Variants in MYO5B observed in about 807,000 individuals in gnomAD.
The protein encoded by MYO5B is unconventional myosin-Vb.
In MYO5B, 143 loss-of-function variants were observed where a neutral mutation model predicts 229.3. The ratio of observed to expected loss-of-function variants is 0.62; its 90% CI spans 0.54 to 0.72. The LOEUF is 0.72. MYO5B is among the 30% of genes least tolerant of loss of function. The pLI, the probability that MYO5B is intolerant of heterozygous loss-of-function variation, is 0.00. For synonymous variants in MYO5B, 918 were observed against 885.2 expected, an observed-to-expected ratio of 1.04 and a Z score of -0.66; for missense variants, 2,321 against 2,331.0, an observed-to-expected ratio of 1.00 and a Z score of 0.09.
intron 1 of MYO5B, among the ~76,000 whole-genome samples, chr18:50,156,496 T>C (rs1276569708): frequency 1.3e-5 from 2 of 152,218 alleles, no homozygotes; most frequent in Non-Finnish European, 2.9e-5. Flanking sequence ...TGCCATTATG[T>C]GACAAAGCAC....
At chr18:50,077,579 T>C (rs1363471929) in intron 1 of MYO5B, among the ~76,000 whole-genome samples, 33 of 151,558 alleles carry the variant, frequency 2.2e-4, no homozygotes. Context: ...TTCAGGAATG[T>C]TGCATCTCCC....
chr18:50,054,942 T>C (rs997753945), intron 2 of MYO5B, among the ~76,000 whole-genome samples: 8 of 152,128 alleles, frequency 5.3e-5, no homozygotes, highest in South Asian at 2.1e-4. Flanking sequence ...GCAGGGACCC[T>C]TGTAGCAGCT....
At chr18:50,054,723 G>T (rs138502658) in intron 2 of MYO5B, among the ~76,000 whole-genome samples, 4 of 152,218 alleles carry the variant, frequency 2.6e-5, no homozygotes, top group African/African-American at 9.6e-5. Context: ...CTAACACATA[G>T]GGAGCACTTA....
At chr18:49,924,502 T>C (rs2025108572) in intron 17 of MYO5B, among the ~76,000 whole-genome samples, 1 of 152,230 alleles carries the variant, frequency 6.6e-6, no homozygotes, top group Non-Finnish European at 1.5e-5. Flanking sequence ...TACCAGGCTC[T>C]TTCAGCTTTC....
chr18:49,996,739 T>C (rs913478625), intron 5 of MYO5B, among the ~76,000 whole-genome samples: 20 of 152,330 alleles, frequency 1.3e-4, no homozygotes, highest in African/African-American at 4.6e-4. Flanking sequence ...GGAAAAGCTC[T>C]AAGAAGTGGA....
chr18:49,992,516 C>T, intron 5 of MYO5B, 85 bp from the exon 6 acceptor site: 4 of 1,580,048 alleles, frequency 2.5e-6, no homozygotes, highest in East Asian at 2.2e-5. Flanking sequence ...AGCATGTGTC[C>T]CCTTTCTCTT....
At chr18:50,163,307 C>T (rs2032797428) in intron 1 of MYO5B, among the ~76,000 whole-genome samples, 1 of 152,194 alleles carries the variant, frequency 6.6e-6, no homozygotes, top group African/African-American at 2.4e-5. Flanking sequence ...GGGGAGAGAG[C>T]TCGGCTCGTT....
chr18:50,149,229 G>A (rs927732938), intron 1 of MYO5B, among the ~76,000 whole-genome samples: 5 of 152,070 alleles, frequency 3.3e-5, no homozygotes, highest in Admixed American at 3.3e-4. Context: ...TGGATAGGAA[G>A]AATCAATATC....
chr18:49,965,482 CA>C (rs2025614187), intron 10 of MYO5B, among the ~76,000 whole-genome samples: 1 of 151,454 alleles, frequency 6.6e-6, no homozygotes, highest in African/African-American at 2.4e-5. Flanking sequence ...CACACACACA[CA>C]CCTCTTCTCA....
chr18:50,176,620 C>T (rs2144341506), intron 1 of MYO5B, among the ~76,000 whole-genome samples: 1 of 152,336 alleles, frequency 6.6e-6, no homozygotes, highest in Admixed American at 6.5e-5. Flanking sequence ...CTGACCAAAA[C>T]TTCTTGATGG....
intron 10 of MYO5B, among the ~76,000 whole-genome samples, chr18:49,963,419 T>TATTTA (rs1555647601): frequency 7.5e-6 from 1 of 133,146 alleles, no homozygotes; most frequent in Admixed American, 7.8e-5. Flanking sequence ...TTAATTAATT[T>TATTTA]ATTTATTTAT....
At chr18:49,932,260 G>A (rs946594845) in intron 16 of MYO5B, among the ~76,000 whole-genome samples, 8 of 152,148 alleles carry the variant, frequency 5.3e-5, no homozygotes, top group African/African-American at 1.2e-4. Flanking sequence ...TGGCTCACTT[G>A]GTGCTGGTCC....
At chr18:50,151,830 G>A (rs1391873865) in intron 1 of MYO5B, among the ~76,000 whole-genome samples, 4 of 152,068 alleles carry the variant, frequency 2.6e-5, no homozygotes, top group Admixed American at 6.5e-5. Context: ...CCTTGGAATC[G>A]TGGTGATCTT....
At chr18:49,950,729 A>G (rs956448334) in intron 14 of MYO5B, among the ~76,000 whole-genome samples, 3 of 152,168 alleles carry the variant, frequency 2.0e-5, no homozygotes, top group African/African-American at 7.2e-5. Context: ...GACTTATTTT[A>G]TATATTTCTA....
intron 2 of MYO5B, among the ~76,000 whole-genome samples, chr18:50,047,132 T>C (rs1200203646): frequency 1.3e-5 from 2 of 152,152 alleles, no homozygotes; most frequent in Non-Finnish European, 2.9e-5. Flanking sequence ...CAAAAGAAAC[T>C]ACCATCGGAG....
At chr18:50,163,196 A>G (rs897480786) in intron 1 of MYO5B, among the ~76,000 whole-genome samples, 18 of 152,080 alleles carry the variant, frequency 1.2e-4, no homozygotes, top group Non-Finnish European at 2.4e-4. Context: ...GCCTGCTAAT[A>G]TTTTTTCCTT....
intron 1 of MYO5B, among the ~76,000 whole-genome samples, chr18:50,115,341 A>G (rs2031938984): frequency 6.6e-6 from 1 of 152,230 alleles, no homozygotes; most frequent in African/African-American, 2.4e-5. Flanking sequence ...GAAAGTGTCT[A>G]TGGAATTCAA....
intron 1 of MYO5B, among the ~76,000 whole-genome samples, chr18:50,151,426 G>A (rs1302606879): frequency 6.6e-6 from 1 of 152,120 alleles, no homozygotes; most frequent in South Asian, 2.1e-4. Context: ...CTCATGAAGG[G>A]TCTAAATTTG....
intron 22 of MYO5B, among the ~76,000 whole-genome samples, chr18:49,892,266 A>G (rs919451684): frequency 1.3e-5 from 2 of 152,244 alleles, no homozygotes; most frequent in African/African-American, 4.8e-5. Flanking sequence ...CCAAAACAAC[A>G]GATACCTTTA....
Sources: allele counts gnomAD v4.1 joint callset (sites outside exome capture counted in the v4.1 genomes callset), GRCh38; gene constraint gnomAD v4.1.1; transcripts MANE v1.5; gene names NCBI Gene and HGNC (gene_info 2026-07-23, HGNC 2026-07-21).